The following ASPRV1 variants were observed in gnomAD, a reference collection of about 807,000 sequenced individuals.
The protein encoded by ASPRV1 is aspartic peptidase retroviral like 1, also known as retroviral-like aspartic protease 1.
A neutral mutation model predicts 11.0 loss-of-function variants in ASPRV1; 7 were observed. The observed-to-expected ratio is 0.64, with a 90% CI of 0.36 to 1.20. The LOEUF (loss-of-function observed/expected upper bound fraction) is 1.20. ASPRV1 is among the 50% of genes most tolerant of loss of function. The probability of loss-of-function intolerance (pLI) is 0.02; values close to 1 mark genes in which losing one functional copy is unlikely to be tolerated. For synonymous variants in ASPRV1, 136 were observed against 138.4 expected, an observed-to-expected ratio of 0.98 and a Z score of 0.12; for missense variants, 299 against 320.0, an observed-to-expected ratio of 0.93 and a Z score of 0.50.
the ASPRV1 span, among the ~76,000 whole-genome samples, chr2:69,951,729 T>C: frequency 1.8e-4 from 28 of 152,110 alleles, no homozygotes; most frequent in South Asian, 5.6e-3. Flanking sequence ...GCAATAAAAA[T>C]GAACAATCAA....
chr2:69,958,204 C>T (rs112359353), downstream of ASPRV1, among the ~76,000 whole-genome samples: 6 of 152,196 alleles, frequency 3.9e-5, no homozygotes, highest in African/African-American at 1.4e-4. Context: ...CACTCTCACC[C>T]GCATGCAGCA....
At chr2:70,037,695 T>C in the ASPRV1 span, among the ~76,000 whole-genome samples, 1 of 152,240 alleles carries the variant, frequency 6.6e-6, no homozygotes, top group African/African-American at 2.4e-5. Flanking sequence ...GAAAACTGTT[T>C]TTAACCAGTT....
At chr2:69,966,820 G>A in the ASPRV1 span, among the ~76,000 whole-genome samples, 1 of 152,204 alleles carries the variant, frequency 6.6e-6, no homozygotes, top group Non-Finnish European at 1.5e-5. Context: ...AGGAAGTTGT[G>A]TCTTTTCAAT....
the ASPRV1 span, chr2:69,937,050 G>A: frequency 5.1e-6 from 4 of 784,200 alleles, no homozygotes; most frequent in Non-Finnish European, 9.1e-6. Context: ...CGATGCTGAA[G>A]AGTCAGACGA....
chr2:69,953,355 C>T, the ASPRV1 span, among the ~76,000 whole-genome samples: 2 of 152,356 alleles, frequency 1.3e-5, no homozygotes, highest in East Asian at 3.9e-4. Context: ...AGCCTCACTC[C>T]AAGCAAGTGG....
At chr2:69,982,836 G>A in the ASPRV1 span, among the ~76,000 whole-genome samples, 1,974 of 152,320 alleles carry the variant, frequency 0.013, 47 homozygotes, top group African/African-American at 0.045. Context: ...GCATCGCTGC[G>A]TCAGAACCCT....
chr2:70,082,927 A>G, the ASPRV1 span, among the ~76,000 whole-genome samples: 3 of 152,102 alleles, frequency 2.0e-5, no homozygotes, highest in Non-Finnish European at 4.4e-5. Flanking sequence ...TAAAAAAATT[A>G]AACAACCATA....
chr2:70,007,515 C>A, the ASPRV1 span, among the ~76,000 whole-genome samples: 1 of 149,900 alleles, frequency 6.7e-6, no homozygotes, highest in African/African-American at 2.5e-5. Flanking sequence ...CGAAACCCTG[C>A]CTCAAAAAAA....
At chr2:69,936,565 T>A in the ASPRV1 span, among the ~76,000 whole-genome samples, 1 of 152,246 alleles carries the variant, frequency 6.6e-6, no homozygotes, top group Non-Finnish European at 1.5e-5. Context: ...ATGACAATTC[T>A]GGGAGAAAAC....
chr2:70,041,804 C>T, the ASPRV1 span, among the ~76,000 whole-genome samples: 25 of 152,298 alleles, frequency 1.6e-4, no homozygotes, highest in African/African-American at 6.0e-4. Flanking sequence ...TTGCATTTAC[C>T]ACTTCCTGTT....
At chr2:69,935,764 T>G in the ASPRV1 span, among the ~76,000 whole-genome samples, 1 of 152,232 alleles carries the variant, frequency 6.6e-6, no homozygotes, top group Non-Finnish European at 1.5e-5. Context: ...CTAAATATTT[T>G]GCAACCGGTC....
At chr2:69,966,932 G>A in the ASPRV1 span, among the ~76,000 whole-genome samples, 3 of 152,176 alleles carry the variant, frequency 2.0e-5, no homozygotes, top group African/African-American at 4.8e-5. Context: ...CAGAAGATGT[G>A]GGAGAGGCAG....
At chr2:70,042,749 A>T in the ASPRV1 span, among the ~76,000 whole-genome samples, 1 of 151,926 alleles carries the variant, frequency 6.6e-6, no homozygotes, top group African/African-American at 2.4e-5. Flanking sequence ...CAGAAATCTC[A>T]AGTAGTGCTG....
At chr2:70,064,580 G>A in the ASPRV1 span, among the ~76,000 whole-genome samples, 1 of 152,200 alleles carries the variant, frequency 6.6e-6, no homozygotes, top group African/African-American at 2.4e-5. Context: ...TAGGCACAAT[G>A]AAGAGCACAC....
At chr2:70,067,950 A>G in the ASPRV1 span, among the ~76,000 whole-genome samples, 1 of 152,226 alleles carries the variant, frequency 6.6e-6, no homozygotes, top group Non-Finnish European at 1.5e-5. Flanking sequence ...TGCTTCAGAT[A>G]CTAAATTCTC....
At chr2:70,024,999 G>C in the ASPRV1 span, among the ~76,000 whole-genome samples, 1 of 152,206 alleles carries the variant, frequency 6.6e-6, no homozygotes, top group South Asian at 2.1e-4. Flanking sequence ...TGCACTGTCT[G>C]TAGCTCAAAT....
At chr2:70,077,060 C>G in the ASPRV1 span, among the ~76,000 whole-genome samples, 1 of 152,100 alleles carries the variant, frequency 6.6e-6, no homozygotes, top group Non-Finnish European at 1.5e-5. Context: ...GCAGGAGGTC[C>G]GACCCCATAG....
chr2:70,072,398 AC>A, the ASPRV1 span, among the ~76,000 whole-genome samples: 1 of 152,060 alleles, frequency 6.6e-6, no homozygotes, highest in East Asian at 1.9e-4. Context: ...AGCCTGGGTG[AC>A]AAAGCAAGAC....
In ASPRV1 at chr2:69,961,376, G is replaced by C; in HGVS notation, c.61C>G (p.Pro21Ala). 6.2e-7 allele frequency: 1 copy of C among 1,614,140 alleles called. No individual in the cohort carries two copies. Among genetic ancestry groups the C allele is most frequent in the Non-Finnish European group, 8.5e-7 (1 of 1,180,032 alleles). ...GRRQHAFVPE[P>A]FDGANVVPNL... ...GGGACGACATTGGCCCCATCAAAAG[G>C]TTCCGGGACGAAGGCATGCTGCCGG... Residue 21 changes from proline (P) to alanine (A), a missense_variant, in exon 1 of 1, where the codon CCT becomes GCT. Pro to Ala is a conservative substitution (Grantham distance 27). Coordinates refer to ENST00000320256, the MANE Select transcript of ASPRV1 (RefSeq NM_152792.4).
Sources: allele counts gnomAD v4.1 joint callset (sites outside exome capture counted in the v4.1 genomes callset), GRCh38; gene constraint gnomAD v4.1.1; transcripts MANE v1.5; gene names NCBI Gene and HGNC (gene_info 2026-07-23, HGNC 2026-07-21).